Variants in TMEM135 observed in about 807,000 individuals in gnomAD.
TMEM135 encodes transmembrane protein 135, also known as peroxisomal membrane protein 52.
TMEM135 carries 30 observed loss-of-function variants against 60.3 expected under a neutral mutation model. The observed-to-expected ratio is 0.50, with a 90% CI of 0.37 to 0.68. TMEM135 has a LOEUF of 0.68. Ranked by LOEUF, TMEM135 falls within the 30% of genes least tolerant of loss-of-function variation. The pLI is 0.00. For synonymous variants in TMEM135, 190 were observed against 186.7 expected (o/e 1.02, Z -0.14); for missense variants, 468 against 548.8 (o/e 0.85, Z 1.47).
chr11:87,167,991 G>T (rs1381901650), intron 5 of TMEM135, among the ~76,000 whole-genome samples: 1 of 152,134 alleles, frequency 6.6e-6, no homozygotes, highest in Non-Finnish European at 1.5e-5. Context: ...TTCAGAACTT[G>T]TTATTGGTCT....
intron 6 of TMEM135, among the ~76,000 whole-genome samples, chr11:87,286,549 G>GGCTAAGT (rs1440166103): frequency 6.6e-6 from 1 of 152,248 alleles, no homozygotes; most frequent in East Asian, 1.9e-4. Flanking sequence ...CGGTCGATGG[G>GGCTAAGT]ACCGGGGGCC....
At chr11:87,104,124 A>G (rs1455850712) in intron 4 of TMEM135, among the ~76,000 whole-genome samples, 1 of 152,122 alleles carries the variant, frequency 6.6e-6, no homozygotes. Flanking sequence ...TATAGATAAG[A>G]GCCCAGTTTC....
chr11:87,059,126 G>A (rs947926035), intron 1 of TMEM135, among the ~76,000 whole-genome samples: 9 of 151,416 alleles, frequency 5.9e-5, no homozygotes, highest in East Asian at 5.9e-4. Context: ...TTGTGGAGAC[G>A]GGGCTTCACC....
rs112240680 is a variant in TMEM135 at position 87,063,408 on chromosome 11, G to A, written c.142-4286G>A. 2.5e-3 allele frequency among the ~76,000 whole-genome samples: 378 copies of A among 152,228 alleles called. 2 individuals carry two copies. The highest frequency in any genetic ancestry group is 8.7e-3 in the African/African-American group (361 of 41,542). ...TTTGGTCAAAGCATATGAACATTAC[G>A]AAGTCTTTGATTATAAAATGTGATG... On this transcript the variant is annotated intron_variant, in intron 1 of 14. Transcript: ENST00000305494.
chr11:87,113,143 G>A (rs1857796244), intron 4 of TMEM135, among the ~76,000 whole-genome samples: 1 of 152,028 alleles, frequency 6.6e-6, no homozygotes, highest in Non-Finnish European at 1.5e-5. Flanking sequence ...GCAAATAGAA[G>A]ATGAAAAGTC....
chr11:87,234,552 A>G (rs1026492696), intron 5 of TMEM135, among the ~76,000 whole-genome samples: 1 of 152,074 alleles, frequency 6.6e-6, no homozygotes, highest in Non-Finnish European at 1.5e-5. Flanking sequence ...AGGTTTTTCT[A>G]TCTAGATCAC....
chr11:87,109,545 G>A lies in TMEM135; in HGVS notation c.396+18150G>A, dbSNP rs544709296. On this transcript the variant is annotated intron_variant, in intron 4 of 14. Transcript: ENST00000305494. Reference sequence around the variant, plus strand: ...GAGGAGATGAAGTGAGGTTGATGATGTAGGCATTGTGACATAGCAGTTAAA... The same window carrying A: ...GAGGAGATGAAGTGAGGTTGATGATATAGGCATTGTGACATAGCAGTTAAA... 2.6e-5 allele frequency among the ~76,000 whole-genome samples: 4 copies of A among 152,284 alleles called. No individual in the cohort carries two copies. In the South Asian group the frequency reaches 8.3e-4, roughly 32 times the overall value.
chr11:87,081,144 A>G (rs767174526), intron 3 of TMEM135, among the ~76,000 whole-genome samples: 1 of 149,136 alleles, frequency 6.7e-6, no homozygotes, highest in South Asian at 2.1e-4. Flanking sequence ...TTTTATATCT[A>G]TTCTGCTAGT....
At chr11:87,132,332 A>T (rs496671) in intron 4 of TMEM135, among the ~76,000 whole-genome samples, 1 of 151,858 alleles carries the variant, frequency 6.6e-6, no homozygotes, top group Non-Finnish European at 1.5e-5. Context: ...GGCACATAGA[A>T]AAGTTAATTA....
chr11:87,167,663 T>G lies in TMEM135; in HGVS notation c.462+10257T>G, dbSNP rs777226299. On this transcript the variant is annotated intron_variant, in intron 5 of 14. Transcript: ENST00000305494. The stretch of plus-strand genomic sequence containing the variant: ...TTGCATCCCAGGGATGAAGCTGACT[T>G]GATCATGGTGGATAAGCTTTTTGAT... Among the ~76,000 whole-genome samples, 29 of 152,202 alleles carry G rather than the reference T, an allele frequency of 1.9e-4. 1 individual carries two copies. Among genetic ancestry groups the G allele is most frequent in the Admixed American group, 1.5e-3 (23 of 15,278 alleles).
chr11:87,067,952 T>A, intron 2 of TMEM135, 131 bp downstream of exon 2: 4 of 1,123,964 alleles, frequency 3.6e-6, no homozygotes, highest in Non-Finnish European at 5.2e-6. Flanking sequence ...GAAGTGACAT[T>A]TATGTCAATG....
chr11:87,146,597 G>A (rs971349815), intron 4 of TMEM135, among the ~76,000 whole-genome samples: 1 of 151,960 alleles, frequency 6.6e-6, no homozygotes, highest in African/African-American at 2.4e-5. Flanking sequence ...TTTGTTTTTG[G>A]TTTTTCATTA....
chr11:87,071,499 A>G, intron 2 of TMEM135, 24 bp from the exon 3 acceptor site: 1 of 1,596,650 alleles, frequency 6.3e-7, no homozygotes, highest in African/African-American at 1.3e-5. Context: ...AATTTCATAC[A>G]AAAATTCCAA....
chr11:87,215,966 G>C (rs1247680777), intron 5 of TMEM135, among the ~76,000 whole-genome samples: 3 of 151,952 alleles, frequency 2.0e-5, no homozygotes, highest in Non-Finnish European at 4.4e-5. Flanking sequence ...GTTACCTGTG[G>C]TACAGTACAA....
At chr11:87,073,491 A>C (rs1013214215) in intron 3 of TMEM135, among the ~76,000 whole-genome samples, 11 of 152,230 alleles carry the variant, frequency 7.2e-5, no homozygotes, top group Non-Finnish European at 1.3e-4. Flanking sequence ...AGCAAAATCA[A>C]GTCAGTAATT....
intron 5 of TMEM135, among the ~76,000 whole-genome samples, chr11:87,175,393 C>A (rs968020971): frequency 6.6e-6 from 1 of 152,048 alleles, no homozygotes; most frequent in Non-Finnish European, 1.5e-5. Context: ...TTGGTGTAGA[C>A]CAAGAAGGCC....
chr11:87,218,875 T>C (rs1210431234), intron 5 of TMEM135, among the ~76,000 whole-genome samples: 1 of 152,100 alleles, frequency 6.6e-6, no homozygotes, highest in Non-Finnish European at 1.5e-5. Flanking sequence ...GGCAGGAGAA[T>C]CGCTTGAACC....
At position 87,318,178 on chromosome 11, in the gene TMEM135, T is replaced by C. The variant is rs368066239; in HGVS notation, c.1119T>C (p.Tyr373=). Reference sequence around the variant, plus strand: ...GCATTGAAGCAGGGAAGGTTCCCTATTTTCCTCATGCAGATACTATCATCT... The same window carrying C: ...GCATTGAAGCAGGGAAGGTTCCCTACTTTCCTCATGCAGATACTATCATCT... The part of the protein sequence containing the change: ...FKGIEAGKVP[Y]FPHADTIIYS... Residue 373 remains tyrosine (Y), a synonymous_variant, in exon 13 of 15, where the codon TAT becomes TAC. Transcript: ENST00000305494. 4 of 1,612,818 alleles carry C rather than the reference T, an allele frequency of 2.5e-6. No individual in the cohort carries two copies. Among genetic ancestry groups the C allele is most frequent in the Non-Finnish European group, 3.4e-6 (4 of 1,179,746 alleles).
intron 4 of TMEM135, among the ~76,000 whole-genome samples, chr11:87,152,635 C>T (rs55929933): frequency 0.097 from 14,795 of 152,052 alleles, 747 homozygotes; most frequent in African/African-American, 0.1. Flanking sequence ...AGACGGGTTT[C>T]GCCATGTCGG....
Sources: allele counts gnomAD v4.1 joint callset (sites outside exome capture counted in the v4.1 genomes callset), GRCh38; gene constraint gnomAD v4.1.1; transcripts MANE v1.5; gene names NCBI Gene and HGNC (gene_info 2026-07-23, HGNC 2026-07-21).